MYT1: variants seen among roughly 807,000 people sequenced by gnomAD.
MYT1 encodes the protein myelin transcription factor 1, also known as myelin transcription factor I.
In MYT1, 23 loss-of-function variants were observed where a neutral mutation model predicts 123.0. The observed-to-expected ratio is 0.19, with a 90% CI of 0.13 to 0.26. The LOEUF (loss-of-function observed/expected upper bound fraction) is 0.26. MYT1 is among the 10% of genes least tolerant of loss of function. The probability of loss-of-function intolerance (pLI) is 1.00; values close to 1 mark genes in which losing one functional copy is unlikely to be tolerated. For missense variants in MYT1, 1,125 were observed against 1,472.5 expected (o/e 0.76, Z 3.86); for synonymous variants, 518 against 575.3 (o/e 0.90, Z 1.43).
rs781072905 is a variant in MYT1 at position 64,221,968 on chromosome 20, C to T, written c.2317C>T (p.Arg773Trp). 3.7e-6 allele frequency: 6 copies of T among 1,613,542 alleles called. No homozygotes were observed. The highest frequency in any genetic ancestry group is 2.2e-5 in the South Asian group (2 of 91,044). Residue 773 changes from arginine (R) to tryptophan (W), a missense_variant, in exon 14 of 23, where the codon CGG becomes TGG. Physicochemically the swap from Arg to Trp is moderately radical, Grantham distance 101 (BLOSUM62 -3). Transcript: ENST00000328439. ...AGTGTCGGAAGAGAATTTTGAGGAG[C>T]GGAAGTATCCGGGGGAAGTCACCCT... ...QEVSEENFEE[R>W]KYPGEVTLTN...
In MYT1 at chr20:64,211,952, G is replaced by C. The variant is rs913139760; in HGVS notation, c.1427-96G>C. 7.3e-5 allele frequency: 74 copies of C among 1,019,964 alleles called. 1 individual carries two copies. The East Asian group carries it at 1.0e-3, about 14-fold the overall frequency. 63.2% of individuals were successfully genotyped at this position (1,019,964 alleles called of 1,614,324 possible). On this transcript the variant is annotated intron_variant, in intron 8 of 22. Transcript: ENST00000328439. ...TACCAAGCAGCAGCCTTTGGACAAG[G>C]CTCCTGCACCCTCCTCAGCCTGTGC...
chr20:64,233,190 C>T (rs1373281482), intron 19 of MYT1, among the ~76,000 whole-genome samples: 3 of 108,234 alleles, frequency 2.8e-5, no homozygotes, highest in Admixed American at 9.0e-5. Flanking sequence ...CTCCCCTTTC[C>T]TCCCCTCTCC....
rs377495888 is a variant in MYT1 at position 64,227,497 on chromosome 20, A to G, written c.2591+20A>G. 6.2e-7 allele frequency: 1 copy of G among 1,610,150 alleles called. No homozygotes were observed. Among genetic ancestry groups the G allele is most frequent in the Non-Finnish European group, 8.5e-7 (1 of 1,177,838 alleles). ...CCGGAGGTGAGCCTGCCACACCCTC[A>G]GGTCCTGGGCCCCAGGGGTGGGCAG... On this transcript the variant is annotated intron_variant, in intron 17 of 22. Transcript: ENST00000328439.
chr20:64,195,324 G>T (rs561281287), intron 2 of MYT1, among the ~76,000 whole-genome samples: 4 of 150,838 alleles, frequency 2.7e-5, no homozygotes, highest in African/African-American at 9.7e-5. Context: ...TGGAAAAGGG[G>T]CTGGTCTTCG....
In MYT1 at chr20:64,208,319, C is replaced by T. The variant is rs144747841; in HGVS notation, c.1123C>T (p.Arg375Trp). The T allele has an allele frequency of 1.4e-3, 2,187 of 1,614,150 alleles. 1 individual carries two copies. The highest frequency in any genetic ancestry group is 1.7e-3 in the Non-Finnish European group (2,001 of 1,180,042). The change falls in exon 7 of 23, where the codon CGG (arginine) becomes TGG (tryptophan). Residue 375 changes from arginine (R) to tryptophan (W), a missense_variant. Physicochemically the swap from Arg to Trp is moderately radical, Grantham distance 101. Coordinates refer to ENST00000328439, the MANE Select transcript of MYT1 (RefSeq NM_004535.3). This position sits in a 1 kb window ranked among gnomAD's most constrained non-coding sequence, Gnocchi z 5.4. ...DESEMQDMMT[R>W]GNLGLLEQAI... ...GTCGGAGATGCAGGACATGATGACC[C>T]GGGGAAACCTGGGCCTCCTGGAGCA...
rs545811750 is a variant in MYT1, at chr20:64,196,957, C to T, written c.1-1905C>T. Among the ~76,000 whole-genome samples, 6 of 152,370 alleles carry T rather than the reference C, an allele frequency of 3.9e-5. No individual in the cohort carries two copies. The South Asian group carries it at 8.3e-4, about 21-fold the overall frequency. On this transcript the variant is annotated intron_variant, in intron 2 of 22. Coordinates refer to ENST00000328439, the MANE Select transcript of MYT1 (RefSeq NM_004535.3). The surrounding 1 kb of genome is among the most constrained non-coding windows in gnomAD (Gnocchi z 4.3). ...CAGGCACCGCACAAGTCCCATTGTA[C>T]GTCCTGCATCGGAAGGCATTGCACA...
intron 16 of MYT1, among the ~76,000 whole-genome samples, chr20:64,225,949 G>A (rs566783724): frequency 5.3e-4 from 80 of 152,312 alleles, no homozygotes; most frequent in African/African-American, 1.9e-3. Context: ...CTCCTCTGCT[G>A]TTGATGCCAC....
In MYT1 at chr20:64,232,937, G is replaced by A. The variant is rs1417433299; in HGVS notation, c.2897+552G>A. 6.6e-6 allele frequency among the ~76,000 whole-genome samples: 1 copy of A among 151,752 alleles called. No homozygotes were observed. The highest frequency in any genetic ancestry group is 2.4e-5 in the African/African-American group (1 of 41,274). ...GCCTGGGCAGCATTCACCAACTCTC[G>A]CCTGCCCTCCAACACCTGCTCCAGA... On this transcript the variant is annotated intron_variant, in intron 19 of 22. Transcript: ENST00000328439. This position sits in a 1 kb window ranked among gnomAD's most constrained non-coding sequence, Gnocchi z 6.9.
chr20:64,188,851 A>G (rs1156677243), intron 1 of MYT1, among the ~76,000 whole-genome samples: 2 of 152,158 alleles, frequency 1.3e-5, no homozygotes, highest in Non-Finnish European at 2.9e-5. Context: ...CATCTCAGCG[A>G]CGGCCTGCGG....
chr20:64,227,515 G>A (rs1984202708), intron 17 of MYT1, 38 bp downstream of exon 17: 3 of 1,588,160 alleles, frequency 1.9e-6, no homozygotes, highest in Admixed American at 1.7e-5. Context: ...GGCCCCAGGG[G>A]TGGGCAGGGA....
chr20:64,170,226 G>A (rs1201062002), intron 1 of MYT1, among the ~76,000 whole-genome samples: 1 of 152,076 alleles, frequency 6.6e-6, no homozygotes, highest in African/African-American at 2.4e-5. Context: ...TGCCACCCCG[G>A]GCCCTCCTTT....
intron 19 of MYT1, among the ~76,000 whole-genome samples, chr20:64,233,642 G>A (rs1241695703): frequency 6.6e-6 from 1 of 150,980 alleles, no homozygotes; most frequent in East Asian, 2.0e-4. Context: ...ATTTTGGGCA[G>A]AGTAGGTGGG....
chr20:64,225,802 A>G (rs1984153467), intron 16 of MYT1, among the ~76,000 whole-genome samples: 1 of 152,138 alleles, frequency 6.6e-6, no homozygotes, highest in African/African-American at 2.4e-5. Context: ...TCTCTGGGAC[A>G]CAACTCTTGA....
At chr20:64,198,159 C>T (rs1039400901) in intron 2 of MYT1, among the ~76,000 whole-genome samples, 2 of 151,636 alleles carry the variant, frequency 1.3e-5, no homozygotes, top group South Asian at 4.2e-4. Context: ...TGGTAGCGGG[C>T]GCCTGTAGTC....
At chr20:64,221,560 C>G (rs141696769) in intron 13 of MYT1, among the ~76,000 whole-genome samples, 2 of 152,330 alleles carry the variant, frequency 1.3e-5, no homozygotes, top group African/African-American at 4.8e-5. Context: ...CTGAAGGGAA[C>G]TGTATCCTGA....
rs1022280241 is a variant in MYT1 at position 64,231,478 on chromosome 20, G to A, written c.2676-686G>A. Among the ~76,000 whole-genome samples, 8 of 152,224 alleles carry A rather than the reference G, an allele frequency of 5.3e-5. No individual in the cohort carries two copies. Among genetic ancestry groups the A allele is most frequent in the Non-Finnish European group, 1.0e-4 (7 of 68,044 alleles). On this transcript the variant is annotated intron_variant, in intron 18 of 22. Coordinates refer to ENST00000328439, the MANE Select transcript of MYT1 (RefSeq NM_004535.3). This position sits in a 1 kb window ranked among gnomAD's most constrained non-coding sequence, Gnocchi z 6.4. ...CTCTATCCCTCTCCTGGAACACCCA[G>A]AACGAAGGAAAGGAAAACACCATTT...
intron 4 of MYT1, among the ~76,000 whole-genome samples, chr20:64,204,681 G>A (rs1983428070): frequency 2.0e-5 from 3 of 152,300 alleles, no homozygotes; most frequent in South Asian, 4.2e-4. Flanking sequence ...TTGGACTTGG[G>A]ACCTCTTTAG....
chr20:64,234,479 G>A (rs929742202), intron 19 of MYT1, among the ~76,000 whole-genome samples: 1 of 152,232 alleles, frequency 6.6e-6, no homozygotes, highest in Non-Finnish European at 1.5e-5. Context: ...CCTCTGCCCT[G>A]CCTAGATGTA....
intron 13 of MYT1, among the ~76,000 whole-genome samples, chr20:64,221,533 G>A (rs976992255): frequency 1.3e-5 from 2 of 152,198 alleles, no homozygotes; most frequent in Non-Finnish European, 2.9e-5. Flanking sequence ...ACTGTCTATT[G>A]AGTGCCATCC....
Sources: gnomAD v4.1 joint callset for allele counts (sites outside exome capture counted in the v4.1 genomes callset) on GRCh38, gnomAD v4.1.1 for gene constraint, Gnocchi (gnomAD v3.1) non-coding constraint, MANE v1.5 for transcripts, NCBI Gene and HGNC (gene_info 2026-07-23, HGNC 2026-07-21) for gene names.